The following PPP1R13B variants were observed in gnomAD, a reference collection of about 807,000 sequenced individuals.
The protein encoded by PPP1R13B is protein phosphatase 1 regulatory subunit 13B.
Under a neutral mutation model 119.8 loss-of-function variants are expected in PPP1R13B, and 44 were observed. The observed-to-expected ratio is 0.37, with a 90% CI of 0.29 to 0.47. PPP1R13B has a LOEUF of 0.47. Among genes scored for constraint, PPP1R13B ranks in the 20% least tolerant of loss-of-function variants. The probability of loss-of-function intolerance (pLI) is 0.99; values close to 1 mark genes in which losing one functional copy is unlikely to be tolerated. For missense variants in PPP1R13B, 1,227 were observed against 1,413.5 expected (o/e 0.87, Z 2.12); for synonymous variants, 542 against 561.5 (o/e 0.97, Z 0.49).
intron 1 of PPP1R13B, among the ~76,000 whole-genome samples, chr14:103,845,957 T>A (rs1191376072): frequency 3.3e-5 from 5 of 152,194 alleles, no homozygotes; most frequent in African/African-American, 1.2e-4. Flanking sequence ...TCCTATTTGA[T>A]CCTCAGGACA....
chr14:103,780,909 A>G (rs2085322123), intron 3 of PPP1R13B, among the ~76,000 whole-genome samples: 1 of 152,182 alleles, frequency 6.6e-6, no homozygotes, highest in Non-Finnish European at 1.5e-5. Context: ...ACAGCACCCA[A>G]TAAGCTACTC....
intron 6 of PPP1R13B, 76 bp downstream of exon 6, chr14:103,753,993 TG>T: frequency 6.7e-7 from 1 of 1,496,454 alleles, no homozygotes; most frequent in Non-Finnish European, 9.0e-7. Context: ...GTGACTGAAT[TG>T]TCAGGCAGTT....
chr14:103,764,372 C>T (rs2084887763), intron 4 of PPP1R13B: 1 of 229,886 alleles, frequency 4.3e-6, no homozygotes. Flanking sequence ...AGCATCTTTT[C>T]ATATGCCTGT....
intron 1 of PPP1R13B, among the ~76,000 whole-genome samples, chr14:103,809,232 A>G (rs1394619236): frequency 1.3e-5 from 2 of 152,282 alleles, no homozygotes; most frequent in Middle Eastern, 3.4e-3. Flanking sequence ...AACCTTATCA[A>G]TTCTGTTGAG....
intron 1 of PPP1R13B, among the ~76,000 whole-genome samples, chr14:103,800,390 C>T (rs774421688): frequency 6.6e-6 from 1 of 152,038 alleles, no homozygotes; most frequent in South Asian, 2.1e-4. Context: ...CAGTGGCTTA[C>T]GCCTGTAATC....
upstream of PPP1R13B, chr14:103,848,458 T>C (rs2152095714): frequency 1.0e-6 from 1 of 985,014 alleles, no homozygotes; most frequent in Non-Finnish European, 1.2e-6. Context: ...GCCAGGGGGG[T>C]AGGCACCCGC....
chr14:103,770,204 A>C (rs550243716), intron 4 of PPP1R13B, among the ~76,000 whole-genome samples: 8 of 152,144 alleles, frequency 5.3e-5, no homozygotes, highest in Middle Eastern at 3.4e-3. Flanking sequence ...AATATGAATA[A>C]ATTTTAATCA....
At chr14:103,821,204 T>A (rs1028173759) in intron 1 of PPP1R13B, among the ~76,000 whole-genome samples, 1 of 152,190 alleles carries the variant, frequency 6.6e-6, no homozygotes, top group Non-Finnish European at 1.5e-5. Flanking sequence ...GCATGACACA[T>A]CCTTGTCAGT....
At chr14:103,741,279 T>C (rs1401085804) in intron 11 of PPP1R13B, among the ~76,000 whole-genome samples, 4 of 152,224 alleles carry the variant, frequency 2.6e-5, no homozygotes, top group African/African-American at 9.6e-5. Flanking sequence ...AGCTACCTTC[T>C]CTCAGCTGCC....
chr14:103,771,145 T>C (rs1245870454), intron 4 of PPP1R13B, among the ~76,000 whole-genome samples: 2 of 152,168 alleles, frequency 1.3e-5, no homozygotes, highest in Non-Finnish European at 2.9e-5. Context: ...CCTAACTATC[T>C]GTAACCACTA....
intron 1 of PPP1R13B, among the ~76,000 whole-genome samples, chr14:103,820,675 T>G (rs1384026897): frequency 1.5e-5 from 2 of 132,998 alleles, no homozygotes; most frequent in African/African-American, 6.2e-5. Context: ...TTTTTTTTTT[T>G]GTAGAGACAG....
intron 3 of PPP1R13B, among the ~76,000 whole-genome samples, 157 bp from the exon 4 acceptor site, chr14:103,778,978 A>G (rs1185732769): frequency 6.6e-6 from 1 of 152,196 alleles, no homozygotes; most frequent in African/African-American, 2.4e-5. Context: ...TGGTCTTACA[A>G]TTAATCTTTT....
At chr14:103,789,402 G>C (rs1416895140) in intron 2 of PPP1R13B, among the ~76,000 whole-genome samples, 2 of 151,650 alleles carry the variant, frequency 1.3e-5, no homozygotes, top group African/African-American at 2.4e-5. Flanking sequence ...ATTTAGTAGA[G>C]ATGGGGTTTC....
intron 1 of PPP1R13B, among the ~76,000 whole-genome samples, chr14:103,843,951 C>CA (rs35687195): frequency 0.38 from 49,721 of 132,388 alleles, 9,157 homozygotes; most frequent in African/African-American, 0.45. Flanking sequence ...GACTCCGTCT[C>CA]AAAAAAAAAA....
intron 1 of PPP1R13B, among the ~76,000 whole-genome samples, chr14:103,830,471 C>T (rs1435805663): frequency 6.6e-6 from 1 of 152,106 alleles, no homozygotes; most frequent in Non-Finnish European, 1.5e-5. Flanking sequence ...CTATGCCCTC[C>T]ATTTTATAGA....
chr14:103,829,547 C>T (rs1345871238), intron 1 of PPP1R13B, among the ~76,000 whole-genome samples: 1 of 152,080 alleles, frequency 6.6e-6, no homozygotes, highest in East Asian at 1.9e-4. Context: ...CAAGAGTGAG[C>T]CACCCATATC....
chr14:103,795,557 T>C (rs1201996866), intron 2 of PPP1R13B, among the ~76,000 whole-genome samples: 1 of 152,170 alleles, frequency 6.6e-6, no homozygotes, highest in African/African-American at 2.4e-5. Context: ...ATAGACCATT[T>C]AGGGCTATAA....
At chr14:103,784,235 T>C (rs939122125) in intron 3 of PPP1R13B, among the ~76,000 whole-genome samples, 5 of 151,958 alleles carry the variant, frequency 3.3e-5, no homozygotes, top group Admixed American at 2.0e-4. Flanking sequence ...TCTGAGTACG[T>C]TGTTTAATTA....
At chr14:103,763,303 G>A (rs1365345953) in intron 4 of PPP1R13B, 2 of 347,378 alleles carry the variant, frequency 5.8e-6, no homozygotes, top group African/African-American at 4.3e-5. Flanking sequence ...ATTTAGAAAG[G>A]GGGGTCTGTT....
Sources: allele counts gnomAD v4.1 joint callset (sites outside exome capture counted in the v4.1 genomes callset), GRCh38; gene constraint gnomAD v4.1.1; transcripts MANE v1.5; gene names NCBI Gene and HGNC (gene_info 2026-07-23, HGNC 2026-07-21).